The following NFIX variants were observed in gnomAD, a reference collection of about 807,000 sequenced individuals.
The protein encoded by NFIX is nuclear factor 1 X-type.
Under a neutral mutation model 53.3 loss-of-function variants are expected in NFIX, and 2 were observed. That is an observed-to-expected ratio of 0.04 (90% CI 0.02 to 0.12). NFIX has a LOEUF of 0.12. Ranked by LOEUF, NFIX falls within the 10% of genes least tolerant of loss-of-function variation. The probability of loss-of-function intolerance (pLI) is 1.00; values close to 1 mark genes in which losing one functional copy is unlikely to be tolerated. For missense variants in NFIX, 310 were observed against 674.5 expected (o/e 0.46, Z 5.99); for synonymous variants, 244 against 289.0 (o/e 0.84, Z 1.58).
chr19:13,001,928 C>T lies in NFIX; in HGVS notation c.27+6064C>T, dbSNP rs572831745. 6.6e-6 allele frequency among the ~76,000 whole-genome samples: 1 copy of T among 152,216 alleles called. No individual in the cohort carries two copies. Among genetic ancestry groups the T allele is most frequent in the Non-Finnish European group, 1.5e-5 (1 of 68,030 alleles). ...CCCTGGCCTGGCGTGGACAGAAGCC[C>T]GTTGTGCGGCAGCGAGGTGCGGGCG... On this transcript the variant is annotated intron_variant, in intron 1 of 10. Coordinates refer to ENST00000592199, the MANE Select transcript of NFIX (RefSeq NM_001365902.3). This position sits in a 1 kb window ranked among gnomAD's most constrained non-coding sequence, Gnocchi z 6.5.
At chr19:13,007,677 G>T (rs1348816756) in intron 1 of NFIX, among the ~76,000 whole-genome samples, 8 of 152,140 alleles carry the variant, frequency 5.3e-5, no homozygotes, top group Non-Finnish European at 1.2e-4. Context: ...TGGGGCAAGG[G>T]ACTTCGGAGG....
Position 13,011,218 on chromosome 19 carries a change from C to A in NFIX, c.28-13803C>A, listed in dbSNP as rs1347481392. 1.3e-5 allele frequency among the ~76,000 whole-genome samples: 2 copies of A among 152,220 alleles called. No homozygotes were observed. The highest frequency in any genetic ancestry group is 3.9e-4 in the East Asian group (2 of 5,190). Reference sequence around the variant, plus strand: ...CTCCCCCAAGGGCCGGACTGCAGCTCCGAATCCCGCAGCCCCAGAAACACA... The same window carrying A: ...CTCCCCCAAGGGCCGGACTGCAGCTACGAATCCCGCAGCCCCAGAAACACA... On this transcript the variant is annotated intron_variant, in intron 1 of 10. Transcript: ENST00000592199. This position sits in a 1 kb window ranked among gnomAD's most constrained non-coding sequence, Gnocchi z 6.5.
Position 13,002,203 on chromosome 19 carries a change from C to T in NFIX, c.27+6339C>T, listed in dbSNP as rs1301602207. Among the ~76,000 whole-genome samples the T allele has an allele frequency of 1.3e-5, 2 of 149,264 alleles. No individual in the cohort carries two copies. Among genetic ancestry groups the T allele is most frequent in the Admixed American group, 1.3e-4 (2 of 15,054 alleles). On this transcript the variant is annotated intron_variant, in intron 1 of 10. Transcript: ENST00000592199. This position sits in a 1 kb window ranked among gnomAD's most constrained non-coding sequence, Gnocchi z 6.1. ...TCCCCCCTTCTTTCCCCCTTTCTCTCTCTCTCTTTCCTCCCTCTCTCCTCC... is the reference window on the plus strand; with the variant it reads ...TCCCCCCTTCTTTCCCCCTTTCTCTTTCTCTCTTTCCTCCCTCTCTCCTCC...
chr19:13,011,234 C>T lies in NFIX; in HGVS notation c.28-13787C>T, dbSNP rs1568257972. Among the ~76,000 whole-genome samples, 1 of 152,228 alleles carries T rather than the reference C, an allele frequency of 6.6e-6. No individual in the cohort carries two copies. Among genetic ancestry groups the T allele is most frequent in the Non-Finnish European group, 1.5e-5 (1 of 68,044 alleles). On this transcript the variant is annotated intron_variant, in intron 1 of 10. Coordinates refer to ENST00000592199, the MANE Select transcript of NFIX (RefSeq NM_001365902.3). This position sits in a 1 kb window ranked among gnomAD's most constrained non-coding sequence, Gnocchi z 6.5. The stretch of plus-strand genomic sequence containing the variant: ...ACTGCAGCTCCGAATCCCGCAGCCC[C>T]AGAAACACAATCGCGGGGGTGGGTG...
At chr19:13,069,430 A>G (rs1225336176) in intron 2 of NFIX, among the ~76,000 whole-genome samples, 15 of 152,204 alleles carry the variant, frequency 9.9e-5, no homozygotes, top group African/African-American at 4.8e-5. Context: ...GTGCCAGCCA[A>G]CACTGTCCCT....
chr19:13,094,754 C>G lies in NFIX; in HGVS notation c.*105C>G. On this transcript the variant is annotated 3_prime_UTR_variant, in exon 11 of 11. Transcript: ENST00000592199. This position sits in a 1 kb window ranked among gnomAD's most constrained non-coding sequence, Gnocchi z 4.3. ...ATCCCCCAGCCCAGCCCAGCCCCAC[C>G]GAAAAGCAAAAATTACACGTCGTCA... 7.8e-7 allele frequency: 1 copy of G among 1,278,914 alleles called. No homozygotes were observed. The highest frequency in any genetic ancestry group is 1.1e-6 in the Non-Finnish European group (1 of 922,242). The allele number at this position is 1,278,914 out of a possible 1,614,324, so 79.2% of individuals were successfully genotyped here.
intron 2 of NFIX, among the ~76,000 whole-genome samples, chr19:13,026,744 CTGTGTGTGTG>C (rs201026735): frequency 6.9e-4 from 103 of 150,012 alleles, no homozygotes; most frequent in African/African-American, 2.5e-3. Flanking sequence ...CTCTCTCTCT[CTGTGTGTGTG>C]TGTGTGTGTG....
intron 2 of NFIX, among the ~76,000 whole-genome samples, chr19:13,054,602 C>T (rs780981851): frequency 4.6e-5 from 7 of 152,066 alleles, no homozygotes; most frequent in Non-Finnish European, 1.0e-4. Flanking sequence ...CTCCAAGAGT[C>T]GGAGCTGGGT....
rs1355063444 is a variant in NFIX, at chr19:13,078,616, C to T, written c.959C>T (p.Pro320Leu). ...SGWPNDVDAG[P>L]ASLKKSGKLD... ...TGTTGCTGCTTCCTCCCCCCAGGCC[C>T]GGCTTCTCTAAAGAAGTCAGGAAAG... is the stretch of plus-strand genomic sequence containing the variant. The change falls in exon 7 of 11, where the codon CCG becomes CTG. Residue 320 changes from proline to leucine, a missense_variant. Pro to Leu is a moderately conservative substitution (Grantham distance 98). Around this residue, in one of 5 missense-constraint regions of NFIX, gnomAD observed 164 missense variants for 284.4 expected, o/e 0.58. Transcript: ENST00000592199. The surrounding 1 kb of genome is among the most constrained non-coding windows in gnomAD (Gnocchi z 4.7). 1 of 1,600,250 alleles carries T rather than the reference C, an allele frequency of 6.2e-7. No individual in the cohort carries two copies. Among genetic ancestry groups the T allele is most frequent in the Non-Finnish European group, 8.5e-7 (1 of 1,173,734 alleles).
At position 13,011,461 on chromosome 19, in the gene NFIX, C is replaced by A. The variant is rs908725437; in HGVS notation, c.28-13560C>A. Among the ~76,000 whole-genome samples, 8 of 142,112 alleles carry A rather than the reference C, an allele frequency of 5.6e-5. No individual in the cohort carries two copies. The highest frequency in any genetic ancestry group is 1.8e-4 in the African/African-American group (7 of 39,740). The allele number at this position is 142,112 out of a possible 152,430, so 93.2% of individuals were successfully genotyped here. A position where few individuals can be genotyped will look rare whatever the true frequency, so the allele number is the denominator to read the frequency against. ...GGCCTTCGCTCCAGGTGCGCCCGGG[C>A]GGTGGAGGCGAGTTCCCTGCGCGCA... On this transcript the variant is annotated intron_variant, in intron 1 of 10. Transcript: ENST00000592199. This position sits in a 1 kb window ranked among gnomAD's most constrained non-coding sequence, Gnocchi z 6.5.
In NFIX at chr19:13,011,698, CTCCCCAG is replaced by C. The variant is rs1215863018; in HGVS notation, c.28-13321_28-13315del. 6.6e-6 allele frequency among the ~76,000 whole-genome samples: 1 copy of C among 152,206 alleles called. No individual in the cohort carries two copies. Among genetic ancestry groups the C allele is most frequent in the Admixed American group, 6.5e-5 (1 of 15,290 alleles). ...CACCCCATGTTGGCACGAACACTCC[CTCCCCAG>C]TGCCTCTGTGCATTAGGTCGCGTGC... On this transcript the variant is annotated intron_variant, in intron 1 of 10. Coordinates refer to ENST00000592199, the MANE Select transcript of NFIX (RefSeq NM_001365902.3). This position sits in a 1 kb window ranked among gnomAD's most constrained non-coding sequence, Gnocchi z 6.5.
chr19:13,042,949 G>C (rs900481603), intron 2 of NFIX, among the ~76,000 whole-genome samples: 1 of 152,120 alleles, frequency 6.6e-6, no homozygotes, highest in Non-Finnish European at 1.5e-5. Context: ...CAGGCAGCAC[G>C]CAAGGATCCA....
In NFIX at chr19:13,027,488, C is replaced by T. The variant is rs1052705281; in HGVS notation, c.559+1936C>T. Among the ~76,000 whole-genome samples the T allele has an allele frequency of 2.0e-5, 3 of 152,234 alleles. No homozygotes were observed. Among genetic ancestry groups the T allele is most frequent in the African/African-American group, 7.2e-5 (3 of 41,514 alleles). On this transcript the variant is annotated intron_variant, in intron 2 of 10. Transcript: ENST00000592199. The surrounding 1 kb of genome is among the most constrained non-coding windows in gnomAD (Gnocchi z 4.3). ...AGTGTGGCCATCAGATACTCCTGCA[C>T]AAGGGGATTCTGCACCTTCCAATTT... is the stretch of plus-strand genomic sequence containing the variant.
intron 10 of NFIX, among the ~76,000 whole-genome samples, chr19:13,092,753 C>A (rs2018218081): frequency 6.6e-6 from 1 of 152,238 alleles, no homozygotes; most frequent in African/African-American, 2.4e-5. Flanking sequence ...AGCCCAGGCG[C>A]TTCCCACCCC....
At position 13,053,341 on chromosome 19, in the gene NFIX, TG is replaced by T. The variant is rs913759931; in HGVS notation, c.560-19702del. On this transcript the variant is annotated intron_variant, in intron 2 of 10. Transcript: ENST00000592199. ...CTTGGCTGTAGCTCCCTCACAGGGC[TG>T]GGGAGCAATAGACAAACTCTCCAAA... Among the ~76,000 whole-genome samples, 22 of 152,150 alleles carry T rather than the reference TG, an allele frequency of 1.4e-4. 1 individual carries two copies. The highest frequency in any genetic ancestry group is 5.2e-4 in the Admixed American group (8 of 15,278).
At chr19:12,999,056 C>G (rs2011575937) in intron 1 of NFIX, among the ~76,000 whole-genome samples, 1 of 152,134 alleles carries the variant, frequency 6.6e-6, no homozygotes, top group Admixed American at 6.5e-5. Context: ...GTGTGTTCAC[C>G]CCCACACATG....
chr19:13,090,044 G>C lies in NFIX; in HGVS notation c.1403-255G>C, dbSNP rs1229464518. The stretch of plus-strand genomic sequence containing the variant: ...GCCTGGCTGAGACTGTGGCTTCTGA[G>C]TGGGTGTGTGTCGGGGGTGTAGTGT... On this transcript the variant is annotated intron_variant, in intron 9 of 10. Transcript: ENST00000592199. The surrounding 1 kb of genome is among the most constrained non-coding windows in gnomAD (Gnocchi z 6.6). Among the ~76,000 whole-genome samples, 1 of 152,230 alleles carries C rather than the reference G, an allele frequency of 6.6e-6. No individual in the cohort carries two copies. Among genetic ancestry groups the C allele is most frequent in the Non-Finnish European group, 1.5e-5 (1 of 68,026 alleles).
rs750213380 is a variant in NFIX at position 13,024,978 on chromosome 19, C to T, written c.28-43C>T. Reference sequence around the variant, plus strand: ...CCCCTCATCCCGTCTTCCCCTCCTCCCGTCCTCCCTCGCCCCGCATGCTCC... The same window carrying T: ...CCCCTCATCCCGTCTTCCCCTCCTCTCGTCCTCCCTCGCCCCGCATGCTCC... On this transcript the variant is annotated intron_variant, in intron 1 of 10. Transcript: ENST00000592199. The T allele has an allele frequency of 2.1e-5, 33 of 1,555,446 alleles. No individual in the cohort carries two copies. The South Asian group carries it at 3.0e-4, about 14-fold the overall frequency.
At chr19:13,000,219 G>A (rs766703822) in intron 1 of NFIX, among the ~76,000 whole-genome samples, 1 of 152,134 alleles carries the variant, frequency 6.6e-6, no homozygotes, top group Non-Finnish European at 1.5e-5. Flanking sequence ...TGTAAAATGG[G>A]CAAAAACCAG....
Sources: gnomAD v4.1 joint callset for allele counts (sites outside exome capture counted in the v4.1 genomes callset) on GRCh38, gnomAD v4.1.1 for gene constraint, gnomAD v4.1.1 regional missense constraint, Gnocchi (gnomAD v3.1) non-coding constraint, MANE v1.5 for transcripts, NCBI Gene and HGNC (gene_info 2026-07-23, HGNC 2026-07-21) for gene names.